The following GARNL3 variants were observed in gnomAD, a reference collection of about 807,000 sequenced individuals.
GARNL3 encodes the protein GTPase-activating Rap/Ran-GAP domain-like protein 3.
GARNL3 carries 63 observed loss-of-function variants against 125.0 expected under a neutral mutation model. That is an observed-to-expected ratio of 0.50 (90% CI 0.41 to 0.62). GARNL3 has a LOEUF of 0.62. GARNL3 is among the 20% of genes least tolerant of loss of function. GARNL3 has a pLI of 0.00. For missense variants in GARNL3, 994 were observed against 1,244.0 expected, an observed-to-expected ratio of 0.80 and a Z score of 3.02; for synonymous variants, 439 against 457.5, an observed-to-expected ratio of 0.96 and a Z score of 0.52.
chr9:127,377,711 C>T (rs1014698544), intron 22 of GARNL3, among the ~76,000 whole-genome samples: 2 of 148,418 alleles, frequency 1.3e-5, no homozygotes, highest in African/African-American at 5.0e-5. Flanking sequence ...CGCTTGAACT[C>T]AGTGGGGCAG....
upstream of GARNL3, among the ~76,000 whole-genome samples, chr9:127,258,698 C>CTTA (rs2063534493): frequency 6.6e-6 from 1 of 152,154 alleles, no homozygotes; most frequent in African/African-American, 2.4e-5. Context: ...TGGCACTTTA[C>CTTA]TTATCTTCAG....
At chr9:127,247,747 G>A (rs146868996) in intron 2 of GARNL3, among the ~76,000 whole-genome samples, 25 of 152,058 alleles carry the variant, frequency 1.6e-4, no homozygotes, top group South Asian at 4.2e-4. Flanking sequence ...GGTATCCCTC[G>A]CCTTAAGCAT....
chr9:127,258,545 G>A (rs989051315), intron 2 of GARNL3, among the ~76,000 whole-genome samples: 1 of 152,102 alleles, frequency 6.6e-6, no homozygotes, highest in Non-Finnish European at 1.5e-5. Context: ...AGGCTAAGGT[G>A]GGAGGATTGC....
chr9:127,353,757 G>C, intron 17 of GARNL3, 89 bp from the exon 18 acceptor site: 2 of 831,162 alleles, frequency 2.4e-6, no homozygotes, highest in Non-Finnish European at 4.3e-6. Context: ...GAGATAACTT[G>C]GGTTCAAAAC....
At position 127,339,560 on chromosome 9, in the gene GARNL3, G is replaced by A. The variant is rs746899859; in HGVS notation, c.1029-85G>A. 1,159 of 913,410 alleles carry A rather than the reference G, an allele frequency of 1.3e-3. 10 individuals are homozygous for A. Among genetic ancestry groups the A allele is most frequent in the Non-Finnish European group, 2.1e-4 (115 of 552,582 alleles). 56.6% of individuals were successfully genotyped at this position (913,410 alleles called of 1,614,324 possible). A position where few individuals can be genotyped will look rare whatever the true frequency, so the allele number is the denominator to read the frequency against. ...CCCATGGCATGTGGGAATTCTGGGA[G>A]ATACAATTCAAGTGGCGATTTGGGT... On this transcript the variant is annotated intron_variant, in intron 12 of 27. Transcript: ENST00000373387.
chr9:127,320,954 T>C (rs904321786), intron 6 of GARNL3, among the ~76,000 whole-genome samples, 176 bp downstream of exon 6: 11 of 152,100 alleles, frequency 7.2e-5, no homozygotes, highest in African/African-American at 2.7e-4. Flanking sequence ...GGGTCTATGG[T>C]AGGGCCTGGG....
rs2063308984 is a variant in GARNL3, at chr9:127,246,659, C to G, written c.143+3410C>G. Among the ~76,000 whole-genome samples the G allele has an allele frequency of 1.3e-5, 2 of 152,022 alleles. 1 individual carries two copies. The highest frequency in any genetic ancestry group is 4.1e-4 in the South Asian group (2 of 4,822). ...CGTCTCTACTAAAAATACAAAAAATCAGCCAGGTGGGGTGACATGTGCCTG... is the reference window on the plus strand; with the variant it reads ...CGTCTCTACTAAAAATACAAAAAATGAGCCAGGTGGGGTGACATGTGCCTG... On this transcript the variant is annotated intron_variant, in intron 2 of 10. Transcript: ENST00000439286.
intron 2 of GARNL3, among the ~76,000 whole-genome samples, chr9:127,298,077 G>T (rs2064660047): frequency 6.6e-6 from 1 of 152,168 alleles, no homozygotes; most frequent in Non-Finnish European, 1.5e-5. Context: ...TCTCTGAATG[G>T]CCTTCCACTC....
intron 1 of GARNL3, among the ~76,000 whole-genome samples, chr9:127,287,610 G>A (rs556542371): frequency 3.9e-5 from 6 of 152,300 alleles, no homozygotes; most frequent in Non-Finnish European, 7.4e-5. Flanking sequence ...TGAGCCAGCC[G>A]GGCTTGGGGG....
At chr9:127,326,822 T>C (rs2065588699) in intron 7 of GARNL3, among the ~76,000 whole-genome samples, 1 of 152,244 alleles carries the variant, frequency 6.6e-6, no homozygotes, top group Admixed American at 6.5e-5. Flanking sequence ...TTTGCCCCTT[T>C]CACCACATGG....
At chr9:127,244,866 G>A (rs1436935020) in intron 2 of GARNL3, among the ~76,000 whole-genome samples, 1 of 152,194 alleles carries the variant, frequency 6.6e-6, no homozygotes. Flanking sequence ...TGCCTCTCAG[G>A]TGAATAAGAT....
At chr9:127,356,111 C>CT (rs1211285399) in intron 20 of GARNL3, among the ~76,000 whole-genome samples, 1 of 152,184 alleles carries the variant, frequency 6.6e-6, no homozygotes, top group East Asian at 1.9e-4. Flanking sequence ...GGCCTTGACT[C>CT]TGAGTGAGAT....
chr9:127,236,412 GT>G (rs1296536424), intron 1 of GARNL3, among the ~76,000 whole-genome samples: 1 of 152,210 alleles, frequency 6.6e-6, no homozygotes, highest in East Asian at 1.9e-4. Flanking sequence ...ACACTCCAGT[GT>G]AACAGTGACC....
At chr9:127,368,625 C>T (rs1831429380) in intron 22 of GARNL3, among the ~76,000 whole-genome samples, 1 of 150,786 alleles carries the variant, frequency 6.6e-6, no homozygotes, top group Admixed American at 6.6e-5. Context: ...ACCACTGTGC[C>T]CACCCCGAAA....
chr9:127,230,594 G>C (rs551984159), intron 1 of GARNL3, among the ~76,000 whole-genome samples: 2 of 151,448 alleles, frequency 1.3e-5, no homozygotes, highest in African/African-American at 4.9e-5. Context: ...CAGAGGTTGC[G>C]GTGAGCCAAG....
chr9:127,300,266 C>G (rs2064744146), intron 2 of GARNL3: 1 of 257,714 alleles, frequency 3.9e-6, no homozygotes, highest in South Asian at 4.5e-5. Flanking sequence ...TTTTTAAGAT[C>G]AATTTCAAAA....
At chr9:127,313,615 C>A in intron 4 of GARNL3, 56 bp downstream of exon 4, 2 of 1,128,954 alleles carry the variant, frequency 1.8e-6, no homozygotes, top group South Asian at 1.2e-5. Context: ...CAGGAGATAA[C>A]CCCTGTGCTG....
chr9:127,341,128 C>T (rs1588890466), intron 13 of GARNL3, among the ~76,000 whole-genome samples: 1 of 152,222 alleles, frequency 6.6e-6, no homozygotes, highest in East Asian at 1.9e-4. Flanking sequence ...ACCTCCCATA[C>T]TCCAACCTAT....
chr9:127,296,584 G>A (rs1224092337), intron 2 of GARNL3, among the ~76,000 whole-genome samples: 1 of 147,890 alleles, frequency 6.8e-6, no homozygotes, highest in Non-Finnish European at 1.5e-5. Flanking sequence ...CAATTCTCCT[G>A]CCTCAGCCTC....
Sources: allele counts gnomAD v4.1 joint callset (sites outside exome capture counted in the v4.1 genomes callset), GRCh38; gene constraint gnomAD v4.1.1; transcripts MANE v1.5; gene names NCBI Gene and HGNC (gene_info 2026-07-23, HGNC 2026-07-21).